PIBF1: variants seen among roughly 807,000 people sequenced by gnomAD.
PIBF1 encodes progesterone immunomodulatory binding factor 1.
PIBF1 carries 90 observed loss-of-function variants against 112.5 expected under a neutral mutation model. That is an observed-to-expected ratio of 0.80 (90% CI 0.67 to 0.95). The LOEUF is 0.95. Among genes scored for constraint, PIBF1 ranks in the 40% least tolerant of loss-of-function variants. The pLI, the probability that PIBF1 is intolerant of heterozygous loss-of-function variation, is 0.00. For synonymous variants in PIBF1, 301 were observed against 288.6 expected, an observed-to-expected ratio of 1.04 and a Z score of -0.44; for missense variants, 915 against 852.3, an observed-to-expected ratio of 1.07 and a Z score of -0.92.
chr13:72,801,647 A>G (rs913972810), intron 5 of PIBF1, among the ~76,000 whole-genome samples: 1 of 152,156 alleles, frequency 6.6e-6, no homozygotes, highest in African/African-American at 2.4e-5. Flanking sequence ...TGGTAAACTC[A>G]AGTGTTTGGG....
intron 10 of PIBF1, among the ~76,000 whole-genome samples, chr13:72,885,275 T>C (rs1483242749): frequency 6.6e-6 from 1 of 152,154 alleles, no homozygotes; most frequent in Non-Finnish European, 1.5e-5. Flanking sequence ...TTCTTCACTC[T>C]CTGTAATTTG....
At chr13:72,944,635 T>A (rs895357145) in intron 14 of PIBF1, among the ~76,000 whole-genome samples, 2 of 152,204 alleles carry the variant, frequency 1.3e-5, no homozygotes, top group African/African-American at 4.8e-5. Flanking sequence ...TTATTTTTTT[T>A]AATTAAGACA....
At chr13:72,845,083 T>C (rs990803098) in intron 9 of PIBF1, among the ~76,000 whole-genome samples, 3 of 151,826 alleles carry the variant, frequency 2.0e-5, no homozygotes, top group Non-Finnish European at 2.9e-5. Flanking sequence ...AACGGGTCCA[T>C]CTAGGTTTTA....
intron 11 of PIBF1, among the ~76,000 whole-genome samples, chr13:72,908,327 T>C (rs1265508938): frequency 6.6e-6 from 1 of 152,176 alleles, no homozygotes; most frequent in East Asian, 1.9e-4. Context: ...GATAAGGTAC[T>C]TCATAATTTT....
chr13:72,782,627 ATTTG>A (rs1390060997), intron 1 of PIBF1, among the ~76,000 whole-genome samples: 5 of 152,152 alleles, frequency 3.3e-5, no homozygotes, highest in Non-Finnish European at 7.3e-5. Flanking sequence ...TAATAGCATA[ATTTG>A]TTATATCATG....
At chr13:72,908,493 T>A (rs2040777573) in intron 11 of PIBF1, 38 bp from the exon 12 acceptor site, 3 of 1,488,008 alleles carry the variant, frequency 2.0e-6, no homozygotes, top group Non-Finnish European at 2.7e-6. Flanking sequence ...GTGCACCTGT[T>A]TAATTCTGCC....
intron 5 of PIBF1, among the ~76,000 whole-genome samples, chr13:72,818,750 T>G (rs908218921): frequency 3.8e-5 from 5 of 132,404 alleles, no homozygotes; most frequent in African/African-American, 1.1e-4. Flanking sequence ...CAAACCAGAC[T>G]GAAAAACTCT....
chr13:72,923,694 G>A (rs938589715), intron 13 of PIBF1, among the ~76,000 whole-genome samples: 1 of 152,170 alleles, frequency 6.6e-6, no homozygotes, highest in African/African-American at 2.4e-5. Context: ...GCCAGGCACG[G>A]TGGCTCACGC....
intron 3 of PIBF1, among the ~76,000 whole-genome samples, chr13:72,794,715 A>T (rs1297982365): frequency 6.6e-6 from 1 of 152,128 alleles, no homozygotes; most frequent in African/African-American, 2.4e-5. Flanking sequence ...TTCCGCCATG[A>T]TTGTGAGGCC....
chr13:72,999,653 C>G (rs1413605610), intron 17 of PIBF1, among the ~76,000 whole-genome samples: 1 of 152,186 alleles, frequency 6.6e-6, no homozygotes. Context: ...CTTCTGATCT[C>G]AGTCATTTTA....
chr13:72,797,763 T>C, intron 4 of PIBF1, 144 bp from the exon 5 acceptor site: 1 of 575,136 alleles, frequency 1.7e-6, no homozygotes, highest in Non-Finnish European at 3.0e-6. Flanking sequence ...ATAGAAAGTA[T>C]TAGTGGCTAG....
In PIBF1 at chr13:72,841,542, A is replaced by G. The variant is rs761707183; in HGVS notation, c.1223+6174A>G. 1.5e-4 allele frequency among the ~76,000 whole-genome samples: 23 copies of G among 152,158 alleles called. 1 individual carries two copies. The highest frequency in any genetic ancestry group is 3.3e-4 in the Admixed American group (5 of 15,266). ...TACCAACACTTTGGGAGACTGAGGC[A>G]GATGGATTGCTTAAGTCTAGGAGTT... is the stretch of plus-strand genomic sequence containing the variant. On this transcript the variant is annotated intron_variant, in intron 9 of 17. Transcript: ENST00000326291.
At chr13:72,933,383 C>T (rs1416152579) in intron 14 of PIBF1, among the ~76,000 whole-genome samples, 3 of 152,196 alleles carry the variant, frequency 2.0e-5, no homozygotes, top group East Asian at 1.9e-4. Flanking sequence ...ATAAAGAAGC[C>T]GGGTGCACTG....
intron 9 of PIBF1, among the ~76,000 whole-genome samples, chr13:72,847,725 C>T (rs1313963956): frequency 2.0e-5 from 3 of 152,162 alleles, no homozygotes; most frequent in African/African-American, 7.2e-5. Flanking sequence ...AATAAGATTT[C>T]CACTTTGCTT....
chr13:72,930,439 G>C (rs1441149490), intron 13 of PIBF1, among the ~76,000 whole-genome samples: 2 of 152,064 alleles, frequency 1.3e-5, no homozygotes, highest in African/African-American at 4.8e-5. Context: ...AAAATTATTA[G>C]CAGTTCTTTA....
intron 9 of PIBF1, among the ~76,000 whole-genome samples, chr13:72,844,467 C>T (rs947311904): frequency 5.9e-5 from 9 of 151,986 alleles, no homozygotes; most frequent in African/African-American, 2.2e-4. Flanking sequence ...TTAGGTATTT[C>T]TCCTAATGCT....
chr13:72,805,951 A>G (rs535293451), intron 5 of PIBF1, among the ~76,000 whole-genome samples: 7 of 152,360 alleles, frequency 4.6e-5, no homozygotes, highest in African/African-American at 2.4e-5. Context: ...GACAAATTAT[A>G]TTTCACATAT....
At chr13:73,013,383 T>C (rs1375237504) in intron 17 of PIBF1, among the ~76,000 whole-genome samples, 1 of 145,788 alleles carries the variant, frequency 6.9e-6, no homozygotes, top group Non-Finnish European at 1.5e-5. Context: ...TTTGAAACGG[T>C]GACAGAATTT....
chr13:72,832,070 GCCTTTTTT>G (rs2037143898), intron 8 of PIBF1, among the ~76,000 whole-genome samples: 1 of 56,216 alleles, frequency 1.8e-5, no homozygotes, highest in African/African-American at 9.2e-5. Flanking sequence ...TGCAATTCCG[GCCTTTTTT>G]TTTTTTTTTT....
Sources: allele counts gnomAD v4.1 joint callset (sites outside exome capture counted in the v4.1 genomes callset), GRCh38; gene constraint gnomAD v4.1.1; transcripts MANE v1.5; gene names NCBI Gene and HGNC (gene_info 2026-07-23, HGNC 2026-07-21).